GAPVD1: variants seen among roughly 807,000 people sequenced by gnomAD.
GAPVD1 encodes the protein GTPase activating protein and VPS9 domains 1, also known as GTPase-activating protein and VPS9 domain-containing protein 1.
A neutral mutation model predicts 155.5 loss-of-function variants in GAPVD1; 35 were observed. The observed-to-expected ratio is 0.23, with a 90% CI of 0.17 to 0.30. The LOEUF is 0.30. Ranked by LOEUF, GAPVD1 falls within the 10% of genes least tolerant of loss-of-function variation. GAPVD1 has a pLI of 1.00. For synonymous variants in GAPVD1, 636 were observed against 619.7 expected, an observed-to-expected ratio of 1.03 and a Z score of -0.39; for missense variants, 1,429 against 1,775.7, an observed-to-expected ratio of 0.80 and a Z score of 3.51.
At chr9:125,291,069 T>G (rs577035622) in intron 2 of GAPVD1, among the ~76,000 whole-genome samples, 5 of 151,528 alleles carry the variant, frequency 3.3e-5, no homozygotes, top group African/African-American at 1.2e-4. Context: ...AGAGGCTCAC[T>G]TGAGCCCAGG....
chr9:125,347,277 GC>G (rs1348224356), intron 20 of GAPVD1, among the ~76,000 whole-genome samples: 2 of 152,106 alleles, frequency 1.3e-5, no homozygotes, highest in African/African-American at 4.8e-5. Flanking sequence ...TCTCAATATA[GC>G]TGTGGGAGCA....
At chr9:125,275,291 G>C (rs1835586875) in intron 2 of GAPVD1, among the ~76,000 whole-genome samples, 1 of 152,068 alleles carries the variant, frequency 6.6e-6, no homozygotes, top group Non-Finnish European at 1.5e-5. Context: ...GGCCAGGCTG[G>C]TCTTGAACTC....
At chr9:125,270,483 A>G (rs1834718099) in intron 2 of GAPVD1, among the ~76,000 whole-genome samples, 1 of 152,044 alleles carries the variant, frequency 6.6e-6, no homozygotes, top group Admixed American at 6.6e-5. Flanking sequence ...ATATTTTCTA[A>G]CTTTTCTGGA....
chr9:125,365,623 T>G lies in GAPVD1; in HGVS notation c.*2877T>G, dbSNP rs1391725797. On this transcript the variant is annotated 3_prime_UTR_variant, in exon 28 of 28. Coordinates refer to ENST00000297933, the MANE Select transcript of GAPVD1 (RefSeq NM_001282680.3). Reference sequence around the variant, plus strand: ...TAATAGAAATACAAGTTGAAGATTGTCTTTACTTACAAAATTATATTTTAA... The same window carrying G: ...TAATAGAAATACAAGTTGAAGATTGGCTTTACTTACAAAATTATATTTTAA... The G allele has an allele frequency of 6.6e-6, 1 of 152,224 alleles. No individual in the cohort carries two copies. Among genetic ancestry groups the G allele is most frequent in the Non-Finnish European group, 1.5e-5 (1 of 68,056 alleles). 9.4% of individuals were successfully genotyped at this position (152,224 alleles called of 1,614,324 possible). A position where few individuals can be genotyped will look rare whatever the true frequency, so the allele number is the denominator to read the frequency against.
chr9:125,293,699 T>TATATA (rs1839058168), intron 2 of GAPVD1, among the ~76,000 whole-genome samples: 5 of 47,098 alleles, frequency 1.1e-4, no homozygotes, highest in Admixed American at 1.9e-4. Context: ...TATATTTATA[T>TATATA]TAAATATATA....
intron 2 of GAPVD1, among the ~76,000 whole-genome samples, chr9:125,293,842 A>AATATATTTTATATATATATATATAT (rs1839139670): frequency 1.3e-5 from 1 of 78,066 alleles, no homozygotes. Context: ...TATATATATA[A>AATATATTTTATATATATATATATAT]AAATATATTT....
chr9:125,293,855 T>C (rs1588702846), intron 2 of GAPVD1, among the ~76,000 whole-genome samples: 1 of 4,228 alleles, frequency 2.4e-4, no homozygotes, highest in Admixed American at 2.9e-3. Flanking sequence ...ATATATTTTA[T>C]ATATATATAT....
chr9:125,330,580 G>A (rs925849340), intron 13 of GAPVD1, among the ~76,000 whole-genome samples: 2 of 152,156 alleles, frequency 1.3e-5, no homozygotes, highest in Non-Finnish European at 2.9e-5. Flanking sequence ...GCCTCCCGAA[G>A]TGCTGGAATT....
intron 2 of GAPVD1, among the ~76,000 whole-genome samples, chr9:125,280,080 C>G (rs910390944): frequency 6.7e-6 from 1 of 149,280 alleles, no homozygotes; most frequent in African/African-American, 2.4e-5. Flanking sequence ...GTTATTACAA[C>G]TATTTCAGGA....
In GAPVD1 at chr9:125,337,586, G is replaced by A. The variant is rs202229222; in HGVS notation, c.2872G>A (p.Gly958Arg). 156 of 1,613,202 alleles carry A rather than the reference G, an allele frequency of 9.7e-5. 2 individuals are homozygous for A. Among genetic ancestry groups the A allele is most frequent in the South Asian group, 9.4e-4 (86 of 91,048 alleles). The change falls in exon 17 of 28, where the codon GGA becomes AGA. Residue 958 changes from glycine to arginine, a missense_variant. Gly to Arg is a moderately radical substitution (Grantham distance 125, BLOSUM62 -2). Transcript: ENST00000297933. Reference sequence around the variant, plus strand: ...ATCCCCGAGTAAGGACTCCTCAAGAGGAGAGGTATGGGACATAGGCCGTGA... The same window carrying A: ...ATCCCCGAGTAAGGACTCCTCAAGAAGAGAGGTATGGGACATAGGCCGTGA... Reference protein sequence around the residue: ...SSSPSKDSSRGETEERKDSDD... With the variant: ...SSSPSKDSSRRETEERKDSDD...
rs1283244048 is a variant in GAPVD1, at chr9:125,296,476, T to A, written c.-33+902T>A. 2.7e-5 allele frequency among the ~76,000 whole-genome samples: 4 copies of A among 146,948 alleles called. No individual in the cohort carries two copies. In the East Asian group the frequency reaches 8.2e-4, roughly 30 times the overall value. On this transcript the variant is annotated intron_variant, in intron 3 of 27. Coordinates refer to ENST00000297933, the MANE Select transcript of GAPVD1 (RefSeq NM_001282680.3). ...TTCAAGCAATGCTCTTGCCTCAGTC[T>A]CCTGAGTAACTGGGATTACAGGCAT...
rs115857341 is a variant in GAPVD1 at position 125,291,155 on chromosome 9, G to A, written c.-149-4303G>A. 1.7e-3 allele frequency among the ~76,000 whole-genome samples: 260 copies of A among 152,244 alleles called. 1 individual carries two copies. The highest frequency in any genetic ancestry group is 5.9e-3 in the African/African-American group (243 of 41,534). ...ATAGAAGAAGATAGCTGGGTGTGAT[G>A]GCACACACCTGTAGTCCCAGCTACT... On this transcript the variant is annotated intron_variant, in intron 2 of 27. Coordinates refer to ENST00000297933, the MANE Select transcript of GAPVD1 (RefSeq NM_001282680.3).
At chr9:125,325,597 G>C (rs974001053) in intron 11 of GAPVD1, among the ~76,000 whole-genome samples, 1 of 151,408 alleles carries the variant, frequency 6.6e-6, no homozygotes, top group Non-Finnish European at 1.5e-5. Context: ...GAATTACCTG[G>C]TTAGCTTTTT....
chr9:125,326,372 A>G (rs755100747), intron 11 of GAPVD1, 44 bp from the exon 12 acceptor site: 2 of 1,313,602 alleles, frequency 1.5e-6, no homozygotes, highest in South Asian at 1.2e-5. Flanking sequence ...AAAAAGTCAT[A>G]GCTGTGCTAC....
chr9:125,291,728 A>G (rs1321417854), intron 2 of GAPVD1, among the ~76,000 whole-genome samples: 2 of 152,156 alleles, frequency 1.3e-5, no homozygotes, highest in African/African-American at 4.8e-5. Context: ...TGTGAAGGAT[A>G]TGGGAGAGAA....
intron 24 of GAPVD1, 137 bp from the exon 25 acceptor site, chr9:125,355,507 C>A: frequency 1.7e-6 from 1 of 598,824 alleles, no homozygotes; most frequent in Non-Finnish European, 2.9e-6. Context: ...CTAAAATAAA[C>A]TACACTGAAA....
chr9:125,346,719 C>T (rs751672247), intron 19 of GAPVD1, 100 bp from the exon 20 acceptor site: 3 of 930,724 alleles, frequency 3.2e-6, no homozygotes, highest in Non-Finnish European at 5.4e-6. Context: ...TAAGTCTTAC[C>T]TCCTAATCTG....
chr9:125,267,975 C>T (rs1049202478), intron 1 of GAPVD1, among the ~76,000 whole-genome samples: 7 of 151,952 alleles, frequency 4.6e-5, no homozygotes, highest in African/African-American at 1.2e-4. Flanking sequence ...CCAGCCTGGC[C>T]GACATGATGA....
chr9:125,335,301 T>A (rs750535748), intron 15 of GAPVD1: 5 of 587,844 alleles, frequency 8.5e-6, no homozygotes, highest in Non-Finnish European at 1.6e-5. Context: ...ATTCTCTTCA[T>A]TTTTTATTTT....
Sources: allele counts gnomAD v4.1 joint callset (sites outside exome capture counted in the v4.1 genomes callset), GRCh38; gene constraint gnomAD v4.1.1; transcripts MANE v1.5; gene names NCBI Gene and HGNC (gene_info 2026-07-23, HGNC 2026-07-21).